CFAP221: variants seen among roughly 807,000 people sequenced by gnomAD.
The protein encoded by CFAP221 is cilia and flagella associated protein 221.
CFAP221 carries 97 observed loss-of-function variants against 113.1 expected under a neutral mutation model. That is an observed-to-expected ratio of 0.86 (90% CI 0.73 to 1.02). The LOEUF is 1.02. Among genes scored for constraint, CFAP221 ranks in the 50% least tolerant of loss-of-function variants. The pLI is 0.00. For synonymous variants in CFAP221, 331 were observed against 354.4 expected, an observed-to-expected ratio of 0.93 and a Z score of 0.74; for missense variants, 1,025 against 1,013.4, an observed-to-expected ratio of 1.01 and a Z score of -0.16.
In CFAP221 at chr2:119,549,111, A is replaced by C; in HGVS notation, c.166A>C (p.Lys56Gln). ...GGTTTATGCAAAACTTGTGAATAAT[A>C]AGGTCATACAGGCAAGACCTGGCAT... ...SKVYAKLVNN[K>Q]VIQARPGIIH... is the part of the protein sequence containing the mutation. Residue 56 changes from lysine (K) to glutamine (Q), a missense_variant, in exon 3 of 24, where the codon AAG becomes CAG. By Grantham distance (53) the Lys-to-Gln change is moderately conservative (BLOSUM62 1). Transcript: ENST00000413369. 6.5e-7 allele frequency: 1 copy of C among 1,532,608 alleles called. No homozygotes were observed. The highest frequency in any genetic ancestry group is 8.7e-7 in the Non-Finnish European group (1 of 1,145,892). 94.9% of individuals were successfully genotyped at this position (1,532,608 alleles called of 1,614,324 possible).
intron 6 of CFAP221, among the ~76,000 whole-genome samples, chr2:119,566,742 C>T (rs1007880959): frequency 6.6e-6 from 1 of 152,202 alleles, no homozygotes; most frequent in African/African-American, 2.4e-5. Context: ...ACACCCCACT[C>T]AGAGGCAACT....
chr2:119,652,370 G>A (rs1428653108), intron 23 of CFAP221, among the ~76,000 whole-genome samples: 1 of 152,152 alleles, frequency 6.6e-6, no homozygotes, highest in East Asian at 1.9e-4. Flanking sequence ...ATAAAGAACT[G>A]GCTCTGGAGC....
intron 6 of CFAP221, chr2:119,572,605 A>G (rs114202428): frequency 0.033 from 22,843 of 697,986 alleles, 491 homozygotes; most frequent in Non-Finnish European, 0.042. Flanking sequence ...CAGTTGGTTG[A>G]CCAGTTGCTC....
At chr2:119,551,608 TG>T (rs893187838) in intron 3 of CFAP221, among the ~76,000 whole-genome samples, 8 of 152,232 alleles carry the variant, frequency 5.3e-5, no homozygotes, top group Admixed American at 4.6e-4. Context: ...TCTACTCCAT[TG>T]ACCTGTATGC....
chr2:119,558,124 T>C (rs556282720), intron 3 of CFAP221, among the ~76,000 whole-genome samples: 2,686 of 152,280 alleles, frequency 0.018, 31 homozygotes, highest in Non-Finnish European at 0.025. Context: ...CACTTCCACT[T>C]CCAGCTCTTC....
rs367884122 is a variant in CFAP221 at position 119,647,049 on chromosome 2, C to T, written c.2317C>T (p.Arg773Cys). 2.3e-5 allele frequency: 34 copies of T among 1,475,032 alleles called. No individual in the cohort carries two copies. In the African/African-American group the frequency reaches 3.4e-4, roughly 15 times the overall value. 91.4% of individuals were successfully genotyped at this position (1,475,032 alleles called of 1,614,324 possible). Residue 773 changes from arginine to cysteine, a missense_variant and splice_region_variant, in exon 22 of 24, where the codon CGT (arginine) becomes TGT (cysteine). Transcript: ENST00000413369. ...PEEDRLETVE[R>C]ELCEQNVEVM... is the part of the protein sequence containing the mutation. ...AGAGGACAGACTAGAAACAGTAGAA[C>T]GGTATTTTTTTTTTTTTTAATCTTT...
chr2:119,652,209 A>T (rs1289249763), intron 23 of CFAP221, 140 bp downstream of exon 23: 12 of 560,018 alleles, frequency 2.1e-5, no homozygotes, highest in Non-Finnish European at 2.7e-5. Flanking sequence ...TCATATATTT[A>T]GATGTGTATT....
At chr2:119,624,871 A>C (rs1445103239) in intron 14 of CFAP221, among the ~76,000 whole-genome samples, 1 of 152,098 alleles carries the variant, frequency 6.6e-6, no homozygotes, top group Non-Finnish European at 1.5e-5. Context: ...GGCCTGTCAG[A>C]GGGTGGGTGA....
intron 6 of CFAP221, among the ~76,000 whole-genome samples, chr2:119,562,528 G>A (rs1364107028): frequency 6.6e-6 from 1 of 152,178 alleles, no homozygotes; most frequent in African/African-American, 2.4e-5. Context: ...ATTGGAGAGG[G>A]TGGAGGGGTT....
intron 19 of CFAP221, among the ~76,000 whole-genome samples, chr2:119,635,257 A>C (rs1687043694): frequency 6.6e-6 from 1 of 152,248 alleles, no homozygotes; most frequent in Non-Finnish European, 1.5e-5. Flanking sequence ...AGTTTCTTAC[A>C]AAGTTAGCAG....
chr2:119,644,224 T>G (rs1440187650), intron 21 of CFAP221, among the ~76,000 whole-genome samples: 1 of 152,186 alleles, frequency 6.6e-6, no homozygotes, highest in East Asian at 1.9e-4. Context: ...AACCACCATC[T>G]ACTGTCATCA....
intron 6 of CFAP221, among the ~76,000 whole-genome samples, chr2:119,582,539 T>A (rs893272572): frequency 6.7e-6 from 1 of 149,798 alleles, no homozygotes; most frequent in Non-Finnish European, 1.5e-5. Context: ...CACTAGAACC[T>A]CCGCGTTCCA....
chr2:119,569,653 A>G (rs943139694), intron 6 of CFAP221, among the ~76,000 whole-genome samples: 1 of 151,706 alleles, frequency 6.6e-6, no homozygotes, highest in African/African-American at 2.4e-5. Flanking sequence ...GTTGTCCCAC[A>G]GTTTTTGGAT....
intron 3 of CFAP221, among the ~76,000 whole-genome samples, chr2:119,551,512 C>T (rs1193000480): frequency 6.6e-6 from 1 of 152,152 alleles, no homozygotes; most frequent in Non-Finnish European, 1.5e-5. Flanking sequence ...GTTGAAAGGA[C>T]TATTTTTTCC....
intron 22 of CFAP221, among the ~76,000 whole-genome samples, chr2:119,649,839 G>A (rs890756414): frequency 2.6e-5 from 4 of 152,220 alleles, no homozygotes; most frequent in African/African-American, 9.6e-5. Flanking sequence ...AGGGGGAAGA[G>A]CTGGGTTGAC....
intron 6 of CFAP221, among the ~76,000 whole-genome samples, chr2:119,568,915 T>A (rs1047589846): frequency 6.6e-6 from 1 of 152,198 alleles, no homozygotes; most frequent in East Asian, 1.9e-4. Flanking sequence ...CTTGGTCATT[T>A]TTGTCCGAGA....
At chr2:119,560,882 A>T (rs1278797359) in intron 5 of CFAP221, among the ~76,000 whole-genome samples, 1 of 152,120 alleles carries the variant, frequency 6.6e-6, no homozygotes, top group African/African-American at 2.4e-5. Context: ...ATGCATTTCC[A>T]TAGGGGGAGG....
chr2:119,592,562 A>G (rs747145189), intron 7 of CFAP221, among the ~76,000 whole-genome samples: 2 of 152,222 alleles, frequency 1.3e-5, no homozygotes, highest in Non-Finnish European at 2.9e-5. Flanking sequence ...ATGGAGCCAC[A>G]GATTTCACCT....
rs2104713701 is a variant in CFAP221 at position 119,615,709 on chromosome 2, G to A, written c.1410G>A (p.Lys470=). The A allele has an allele frequency of 8.1e-6, 13 of 1,604,748 alleles. No homozygotes were observed. Among genetic ancestry groups the A allele is most frequent in the Non-Finnish European group, 1.1e-5 (13 of 1,173,074 alleles). The change falls in exon 14 of 24, where the codon AAG becomes AAA. Residue 470 remains lysine (K), a splice_region_variant and synonymous_variant. Transcript: ENST00000413369. ...AACGGTTTCAACAAGTAGCACGCAA[G>A]GTAAGTCTCAGCACCAGCTGGAAAT... ...AQKRFQQVAR[K]VMIQGRLFNM... is the part of the protein sequence containing the mutation.
Sources: allele counts gnomAD v4.1 joint callset (sites outside exome capture counted in the v4.1 genomes callset), GRCh38; gene constraint gnomAD v4.1.1; transcripts MANE v1.5; gene names NCBI Gene and HGNC (gene_info 2026-07-23, HGNC 2026-07-21).